The following SEMA5B variants were observed in gnomAD, a reference collection of about 807,000 sequenced individuals.
The protein encoded by SEMA5B is semaphorin-5B.
Under a neutral mutation model 135.0 loss-of-function variants are expected in SEMA5B, and 66 were observed. That is an observed-to-expected ratio of 0.49 (90% CI 0.40 to 0.60). The LOEUF is 0.60. Ranked by LOEUF, SEMA5B falls within the 20% of genes least tolerant of loss-of-function variation. SEMA5B has a pLI of 0.00. For missense variants in SEMA5B, 1,501 were observed against 1,566.3 expected, an observed-to-expected ratio of 0.96 and a Z score of 0.70; for synonymous variants, 690 against 639.5, an observed-to-expected ratio of 1.08 and a Z score of -1.19.
intron 1 of SEMA5B, among the ~76,000 whole-genome samples, chr3:122,994,172 C>T (rs1420390595): frequency 6.6e-6 from 1 of 152,070 alleles, no homozygotes; most frequent in East Asian, 1.9e-4. Context: ...CCACAGATAA[C>T]AAGAGCGAGT....
At chr3:122,951,314 T>G (rs913858935) in intron 2 of SEMA5B, among the ~76,000 whole-genome samples, 2 of 152,100 alleles carry the variant, frequency 1.3e-5, no homozygotes, top group Non-Finnish European at 2.9e-5. Context: ...ACTAGAAAAA[T>G]AAAACAAAAC....
chr3:122,927,135 A>G (rs369715908), intron 8 of SEMA5B, among the ~76,000 whole-genome samples: 2 of 152,240 alleles, frequency 1.3e-5, no homozygotes, highest in African/African-American at 4.8e-5. Context: ...GTGAGGAAGC[A>G]GGGGTTCAAC....
chr3:122,978,117 A>AG (rs2107670203), intron 1 of SEMA5B, among the ~76,000 whole-genome samples: 1 of 152,354 alleles, frequency 6.6e-6, no homozygotes, highest in East Asian at 1.9e-4. Context: ...AGACTGACGC[A>AG]GGAGACAGAA....
At position 122,961,210 on chromosome 3, in the gene SEMA5B, C is replaced by T. The variant is rs759876365; in HGVS notation, c.54G>A (p.Pro18=). ...SPVAHHLVPG[P]PDTPAQQLRC... is the part of the protein sequence containing the mutation. ...TTAGCTGTTGGGCTGGGGTATCAGGCGGCCCAGGGACGAGGTGGTGGGCAA... is the reference window on the plus strand; with the variant it reads ...TTAGCTGTTGGGCTGGGGTATCAGGTGGCCCAGGGACGAGGTGGTGGGCAA... Residue 18 remains proline (P), a synonymous_variant, in exon 2 of 23, where the codon CCG becomes CCA. Coordinates refer to ENST00000357599, the MANE Select transcript of SEMA5B (RefSeq NM_001031702.4). 7 of 1,613,904 alleles carry T rather than the reference C, an allele frequency of 4.3e-6. No individual in the cohort carries two copies. The highest frequency in any genetic ancestry group is 1.7e-5 in the Admixed American group (1 of 60,002).
In SEMA5B at chr3:122,930,416, C is replaced by T. The variant is rs1257730629; in HGVS notation, c.475-1358G>A. On this transcript the variant is annotated intron_variant, in intron 5 of 22. Coordinates refer to ENST00000357599, the MANE Select transcript of SEMA5B (RefSeq NM_001031702.4). ...CGGTGTTCATCTGGACAGAAACAAC[C>T]GAGCACTGTCATACTCAGGACCCAT... 4.6e-5 allele frequency among the ~76,000 whole-genome samples: 7 copies of T among 152,228 alleles called. 1 individual carries two copies. The South Asian group carries it at 8.3e-4, about 18-fold the overall frequency.
chr3:122,924,633 C>T (rs1938534417), intron 9 of SEMA5B, among the ~76,000 whole-genome samples: 2 of 152,148 alleles, frequency 1.3e-5, no homozygotes, highest in Non-Finnish European at 2.9e-5. Context: ...CCTCCCTGCC[C>T]TACCCCTTCA....
chr3:122,970,071 C>A (rs889710580), intron 1 of SEMA5B, among the ~76,000 whole-genome samples: 6 of 152,258 alleles, frequency 3.9e-5, no homozygotes, highest in Admixed American at 3.3e-4. Flanking sequence ...CTCTAGGGCT[C>A]AGAAACCACA....
intron 8 of SEMA5B, 127 bp from the exon 9 acceptor site, chr3:122,926,804 G>A: frequency 9.5e-7 from 1 of 1,050,812 alleles, no homozygotes; most frequent in Non-Finnish European, 1.4e-6. Context: ...CTGCAATCTT[G>A]GTGACCTGGG....
intron 1 of SEMA5B, among the ~76,000 whole-genome samples, chr3:123,023,225 T>C (rs1942729349): frequency 6.6e-6 from 1 of 152,192 alleles, no homozygotes; most frequent in Non-Finnish European, 1.5e-5. Context: ...GTTAGTTAAG[T>C]GTTGTCATAA....
chr3:122,972,067 C>T (rs1272753083), intron 1 of SEMA5B, among the ~76,000 whole-genome samples: 2 of 152,210 alleles, frequency 1.3e-5, no homozygotes, highest in Non-Finnish European at 2.9e-5. Flanking sequence ...GTCACTTCTC[C>T]AGTGTGGAGA....
intron 1 of SEMA5B, among the ~76,000 whole-genome samples, chr3:123,017,177 C>T (rs1159581483): frequency 6.6e-6 from 1 of 151,918 alleles, no homozygotes; most frequent in South Asian, 2.1e-4. Flanking sequence ...CATGAGCCCC[C>T]GCGCCTGGCC....
chr3:123,000,557 T>C (rs993091170), intron 1 of SEMA5B, among the ~76,000 whole-genome samples: 1 of 152,096 alleles, frequency 6.6e-6, no homozygotes, highest in Non-Finnish European at 1.5e-5. Context: ...TCTAATCCTA[T>C]CTAAACTCTG....
chr3:123,010,490 C>T (rs1942413484), intron 1 of SEMA5B, among the ~76,000 whole-genome samples: 1 of 152,088 alleles, frequency 6.6e-6, no homozygotes, highest in African/African-American at 2.4e-5. Context: ...TGCAGATGTC[C>T]TTCAACAACA....
Position 122,948,466 on chromosome 3 carries a change from G to T in SEMA5B, c.328+40C>A, listed in dbSNP as rs368365922. On this transcript the variant is annotated intron_variant, in intron 3 of 22. Transcript: ENST00000357599. ...GTCTGACCTAAGTCCTTCAGGACAC[G>T]GCCATTGCAAGACAGGGCCAAGTAG... 5.2e-6 allele frequency: 8 copies of T among 1,542,948 alleles called. No homozygotes were observed. The South Asian group carries it at 9.5e-5, about 18-fold the overall frequency.
chr3:122,988,281 C>T (rs761569096), intron 1 of SEMA5B, among the ~76,000 whole-genome samples: 3 of 152,198 alleles, frequency 2.0e-5, no homozygotes, highest in South Asian at 4.1e-4. Context: ...CAGGAACTCA[C>T]AGCCAGGTTT....
chr3:122,947,754 C>T (rs1939854837), intron 3 of SEMA5B, among the ~76,000 whole-genome samples: 1 of 152,180 alleles, frequency 6.6e-6, no homozygotes, highest in South Asian at 2.1e-4. Context: ...AACCTAGGAA[C>T]CCCTGAGACT....
At chr3:122,949,082 A>C (rs1337668812) in intron 2 of SEMA5B, among the ~76,000 whole-genome samples, 2 of 152,256 alleles carry the variant, frequency 1.3e-5, no homozygotes, top group African/African-American at 4.8e-5. Context: ...TTTATATACT[A>C]GGAAAAAATT....
rs988953288 is a variant in SEMA5B at position 122,923,885 on chromosome 3, G to A, written c.1137-133C>T. 8 of 957,604 alleles carry A rather than the reference G, an allele frequency of 8.4e-6. No homozygotes were observed. In the South Asian group the frequency reaches 1.2e-4, roughly 15 times the overall value. 59.3% of individuals were successfully genotyped at this position (957,604 alleles called of 1,614,324 possible). Reference sequence around the variant, plus strand: ...TCTATGATGTGTCTGGCACATGGGGGGATCTCAAAGGGAGGAGATGTGGTC... The same window carrying A: ...TCTATGATGTGTCTGGCACATGGGGAGATCTCAAAGGGAGGAGATGTGGTC... On this transcript the variant is annotated intron_variant, in intron 9 of 22. Transcript: ENST00000357599.
intron 5 of SEMA5B, among the ~76,000 whole-genome samples, chr3:122,931,931 G>GA (rs1247887199): frequency 2.0e-5 from 3 of 152,176 alleles, no homozygotes; most frequent in African/African-American, 7.2e-5. Context: ...CAGAACACCA[G>GA]AAAAAATGAC....
Sources: gnomAD v4.1 joint callset for allele counts (sites outside exome capture counted in the v4.1 genomes callset) on GRCh38, gnomAD v4.1.1 for gene constraint, MANE v1.5 for transcripts, NCBI Gene and HGNC (gene_info 2026-07-23, HGNC 2026-07-21) for gene names.